The following MYPN variants were observed in gnomAD, a reference collection of about 807,000 sequenced individuals.
The protein encoded by MYPN is myopalladin.
Under a neutral mutation model 129.4 loss-of-function variants are expected in MYPN, and 63 were observed. The observed-to-expected ratio is 0.49, with a 90% CI of 0.40 to 0.60. The LOEUF (loss-of-function observed/expected upper bound fraction) is 0.60. MYPN is among the 20% of genes least tolerant of loss of function. MYPN has a pLI of 0.00. For synonymous variants in MYPN, 629 were observed against 600.9 expected (o/e 1.05, Z -0.68); for missense variants, 1,596 against 1,635.4 (o/e 0.98, Z 0.42).
intron 10 of MYPN, among the ~76,000 whole-genome samples, chr10:68,171,154 A>G (rs2043138166): frequency 6.6e-6 from 1 of 151,502 alleles, no homozygotes; most frequent in East Asian, 1.9e-4. Flanking sequence ...GTCAAAAAAA[A>G]AAAAGAAAGA....
intron 6 of MYPN, among the ~76,000 whole-genome samples, chr10:68,152,185 C>T (rs1005309642): frequency 6.6e-6 from 1 of 152,152 alleles, no homozygotes; most frequent in East Asian, 1.9e-4. Context: ...AAGGTTTTAT[C>T]ATGCAGATGA....
Position 68,145,482 on chromosome 10 carries a change from T to C in MYPN, c.1086T>C (p.Ser362=), listed in dbSNP as rs772289990. Residue 362 remains serine (S), a synonymous_variant, in exon 4 of 20, where the codon TCT becomes TCC. Coordinates refer to ENST00000358913, the MANE Select transcript of MYPN (RefSeq NM_032578.4). ...TSAEIYIEGV[S]SSDSEGDPNK... is the part of the protein sequence containing the mutation. ...TTGTTTTTATTTTTCCAGGGGTTTC[T>C]TCTTCTGACTCAGAAGGCGACCCTA... is the stretch of plus-strand genomic sequence containing the variant. 6.2e-7 allele frequency: 1 copy of C among 1,613,330 alleles called. No homozygotes were observed. The highest frequency in any genetic ancestry group is 1.7e-5 in the Admixed American group (1 of 60,014).
chr10:68,112,974 T>C (rs900068707), intron 1 of MYPN, among the ~76,000 whole-genome samples: 6 of 152,184 alleles, frequency 3.9e-5, no homozygotes, highest in Admixed American at 3.9e-4. Context: ...CAAGAACTTC[T>C]CCAAAAGAAC....
At chr10:68,174,743 A>G (rs905595220) in intron 11 of MYPN, 87 bp downstream of exon 11, 1 of 1,218,938 alleles carries the variant, frequency 8.2e-7, no homozygotes, top group Admixed American at 1.9e-5. Context: ...CAGGGCTCTC[A>G]TTTTGTGGAT....
rs2043892549 is a variant in MYPN, at chr10:68,210,434, A to G, written c.3942A>G (p.Val1314=). The G allele has an allele frequency of 6.2e-7, 1 of 1,614,098 alleles. No homozygotes were observed. Among genetic ancestry groups the G allele is most frequent in the Non-Finnish European group, 8.5e-7 (1 of 1,180,006 alleles). The stretch of plus-strand genomic sequence containing the variant: ...TGTATTCATGCTCTTCTCGGAGTGT[A>G]GTGGAGAGTGATGAACTTTAAGAAT... ...TMVYSCSSRS[V]VESDEL Residue 1314 remains valine (V), a synonymous_variant, in exon 20 of 20, where the codon GTA becomes GTG. Coordinates refer to ENST00000358913, the MANE Select transcript of MYPN (RefSeq NM_032578.4).
chr10:68,188,859 T>G (rs1358670138), intron 12 of MYPN, 46 bp from the exon 13 acceptor site: 3 of 1,532,224 alleles, frequency 2.0e-6, no homozygotes, highest in Non-Finnish European at 1.8e-6. Flanking sequence ...ATGGACATGT[T>G]CTTCCTTGCC....
chr10:68,174,037 CT>C, intron 10 of MYPN, 28 bp from the exon 11 acceptor site: 1 of 1,515,094 alleles, frequency 6.6e-7, no homozygotes, highest in Non-Finnish European at 9.2e-7. Flanking sequence ...ACATTTCCTT[CT>C]CTCTCTCCAC....
At chr10:68,161,060 C>A (rs1401391027) in intron 7 of MYPN, among the ~76,000 whole-genome samples, 2 of 152,162 alleles carry the variant, frequency 1.3e-5, no homozygotes, top group Non-Finnish European at 2.9e-5. Flanking sequence ...CTTCACAAAC[C>A]TTTTTCAGGT....
At chr10:68,147,701 G>A (rs1362315371) in intron 4 of MYPN, among the ~76,000 whole-genome samples, 2 of 152,062 alleles carry the variant, frequency 1.3e-5, no homozygotes, top group African/African-American at 2.4e-5. Flanking sequence ...CCCTCTGGAC[G>A]TAGGTTCTCC....
At chr10:68,166,804 G>A in intron 10 of MYPN, 138 bp downstream of exon 10, 1 of 1,227,438 alleles carries the variant, frequency 8.1e-7, no homozygotes, top group Non-Finnish European at 1.2e-6. Flanking sequence ...TGAGGCAGGA[G>A]GATCGCTTGA....
chr10:68,173,992 C>A, intron 10 of MYPN, 74 bp from the exon 11 acceptor site: 2 of 1,222,714 alleles, frequency 1.6e-6, no homozygotes, highest in Non-Finnish European at 2.4e-6. Flanking sequence ...AACAGTCTGT[C>A]TGAACATTGT....
chr10:68,148,478 C>A lies in MYPN; in HGVS notation c.1245+11C>A, dbSNP rs373195491. Reference sequence around the variant, plus strand: ...GCAACCATCCAGCAGGTACAAGAATCCAAGCGAAACACAAGTGCCATCCAC... The same window carrying A: ...GCAACCATCCAGCAGGTACAAGAATACAAGCGAAACACAAGTGCCATCCAC... On this transcript the variant is annotated intron_variant, in intron 5 of 19. Coordinates refer to ENST00000358913, the MANE Select transcript of MYPN (RefSeq NM_032578.4). 3 of 1,602,558 alleles carry A rather than the reference C, an allele frequency of 1.9e-6. No individual in the cohort carries two copies. Among genetic ancestry groups the A allele is most frequent in the Admixed American group, 1.7e-5 (1 of 59,982 alleles).
chr10:68,174,249 C>T lies in MYPN; in HGVS notation c.2157C>T (p.Ser719=), dbSNP rs753192207. The stretch of plus-strand genomic sequence containing the variant: ...AGGCTCCTTCATCACAGACGTTCAG[C>T]TTGGCCCGGCCGAAGTATTTCTTCC... ...QVKAPSSQTF[S]LARPKYFFPS... Residue 719 remains serine (S), a synonymous_variant, in exon 11 of 20, where the codon AGC becomes AGT. Transcript: ENST00000358913. 6 of 1,614,054 alleles carry T rather than the reference C, an allele frequency of 3.7e-6. No individual in the cohort carries two copies. The Admixed American group carries it at 8.3e-5, about 22-fold the overall frequency.
chr10:68,166,381 C>G lies in MYPN; in HGVS notation c.1688C>G (p.Pro563Arg). The G allele has an allele frequency of 6.2e-7, 1 of 1,614,128 alleles. No individual in the cohort carries two copies. The highest frequency in any genetic ancestry group is 2.2e-5 in the East Asian group (1 of 44,866). ...LAAIEPQPSP[P>R]HSEPPSVEQP... ...GCTATTGAGCCACAGCCCTCCCCAC[C>G]CCACTCAGAGCCTCCATCTGTGGAA... Residue 563 changes from proline (P) to arginine (R), a missense_variant, in exon 10 of 20, where the codon CCC becomes CGC. Pro to Arg is a moderately radical substitution (Grantham distance 103). Coordinates refer to ENST00000358913, the MANE Select transcript of MYPN (RefSeq NM_032578.4).
rs768630077 is a variant in MYPN at position 68,201,988 on chromosome 10, G to A, written c.3653G>A (p.Arg1218Lys). 28 of 1,614,018 alleles carry A rather than the reference G, an allele frequency of 1.7e-5. No homozygotes were observed. In the South Asian group the frequency reaches 2.6e-4, roughly 15 times the overall value. ...GAGACCATCCCTTGCACCAGAGAGA[G>A]GATCAGGTACAGCAGCCACCACATC... ...DNETIPCTRERISMHQDTTGY... is the reference protein window; with the variant it reads ...DNETIPCTREKISMHQDTTGY... Residue 1218 changes from arginine (R) to lysine (K), a missense_variant, in exon 18 of 20, where the codon AGG (arginine) becomes AAG (lysine). By Grantham distance (26) the Arg-to-Lys change is conservative. Coordinates refer to ENST00000358913, the MANE Select transcript of MYPN (RefSeq NM_032578.4).
At chr10:68,141,085 A>G (rs564766333) in intron 2 of MYPN, among the ~76,000 whole-genome samples, 1 of 151,536 alleles carries the variant, frequency 6.6e-6, no homozygotes, top group East Asian at 2.0e-4. Flanking sequence ...CCCCCCAAAA[A>G]AAGGGCCAGG....
intron 12 of MYPN, among the ~76,000 whole-genome samples, chr10:68,184,489 C>T (rs753449364): frequency 2.0e-5 from 3 of 152,122 alleles, no homozygotes; most frequent in Non-Finnish European, 4.4e-5. Flanking sequence ...AGTGCAATGG[C>T]ACGATCTTGA....
chr10:68,098,013 A>G (rs1380570943), intron 1 of MYPN, among the ~76,000 whole-genome samples: 1 of 152,204 alleles, frequency 6.6e-6, no homozygotes, highest in African/African-American at 2.4e-5. Flanking sequence ...TGGGAGGCCA[A>G]GGTGGGTGGA....
In MYPN at chr10:68,174,519, C is replaced by T. The variant is rs776036920; in HGVS notation, c.2427C>T (p.Pro809=). ...TCCCCAGCGGAAACCAGTTTCAGCCCCGCTGTGTGTCCCCAATTCCTGTCT... is the reference window on the plus strand; with the variant it reads ...TCCCCAGCGGAAACCAGTTTCAGCCTCGCTGTGTGTCCCCAATTCCTGTCT... ...FSIPSGNQFQ[P]RCVSPIPVSP... is the part of the protein sequence containing the mutation. The change falls in exon 11 of 20, where the codon CCC becomes CCT. Residue 809 remains proline, a synonymous_variant. Transcript: ENST00000358913. The T allele has an allele frequency of 1.2e-6, 2 of 1,614,110 alleles. No individual in the cohort carries two copies. The highest frequency in any genetic ancestry group is 1.7e-6 in the Non-Finnish European group (2 of 1,179,976).
Sources: gnomAD v4.1 joint callset for allele counts (sites outside exome capture counted in the v4.1 genomes callset) on GRCh38, gnomAD v4.1.1 for gene constraint, MANE v1.5 for transcripts, NCBI Gene and HGNC (gene_info 2026-07-23, HGNC 2026-07-21) for gene names.